The following SLC66A3 variants were observed in gnomAD, a reference collection of about 807,000 sequenced individuals.
The protein encoded by SLC66A3 is PQ loop repeat containing 3.
SLC66A3 carries 23 observed loss-of-function variants against 25.5 expected under a neutral mutation model. That is an observed-to-expected ratio of 0.90 (90% CI 0.65 to 1.28). The LOEUF is 1.28. SLC66A3 is among the 50% of genes most tolerant of loss of function. The pLI, the probability that SLC66A3 is intolerant of heterozygous loss-of-function variation, is 0.00. For missense variants in SLC66A3, 246 were observed against 262.1 expected, an observed-to-expected ratio of 0.94 and a Z score of 0.42; for synonymous variants, 108 against 112.6, an observed-to-expected ratio of 0.96 and a Z score of 0.26.
intron 6 of SLC66A3, among the ~76,000 whole-genome samples, chr2:11,175,387 T>C (rs951883774): frequency 3.3e-5 from 5 of 152,188 alleles, no homozygotes; most frequent in African/African-American, 1.2e-4. Flanking sequence ...GCAGATTAAT[T>C]TGAAGAAGAG....
At chr2:11,172,678 C>A in intron 5 of SLC66A3, 2 of 380,414 alleles carry the variant, frequency 5.3e-6, no homozygotes, top group Non-Finnish European at 1.1e-5. Context: ...GGTTGCTGGT[C>A]TTTATATTCA....
intron 4 of SLC66A3, among the ~76,000 whole-genome samples, chr2:11,171,020 AT>A (rs923671498): frequency 7.9e-5 from 12 of 152,170 alleles, no homozygotes; most frequent in Non-Finnish European, 1.5e-5. Context: ...TCTGTGAGTT[AT>A]AAATAAATGT....
rs575347264 is a variant in SLC66A3, at chr2:11,159,436, T to G, written c.144-1030T>G. 5.9e-5 allele frequency among the ~76,000 whole-genome samples: 9 copies of G among 152,142 alleles called. No homozygotes were observed. The East Asian group carries it at 1.7e-3, about 29-fold the overall frequency. On this transcript the variant is annotated intron_variant, in intron 1 of 6. Transcript: ENST00000295083. ...GGGGTGGGGACCCTGCTGGGCACGG[T>G]GGGGGCCCGCACTCGGGGACCAGGC...
At chr2:11,161,845 A>G (rs1282917323) in intron 3 of SLC66A3, among the ~76,000 whole-genome samples, 1 of 152,202 alleles carries the variant, frequency 6.6e-6, no homozygotes, top group Non-Finnish European at 1.5e-5. Flanking sequence ...GAATGGCACT[A>G]GCTGTCAGCC....
At chr2:11,160,276 G>A in intron 1 of SLC66A3, 190 bp from the exon 2 acceptor site, 1 of 628,338 alleles carries the variant, frequency 1.6e-6, no homozygotes, top group East Asian at 2.7e-5. Context: ...AGTTCTGGAT[G>A]CTCCAAAAAT....
chr2:11,164,159 G>A (rs748384436), intron 3 of SLC66A3, 45 bp from the exon 4 acceptor site: 24 of 1,208,776 alleles, frequency 2.0e-5, no homozygotes, highest in Non-Finnish European at 2.5e-5. Context: ...GGAGGGTGGC[G>A]CGGATGTGGG....
chr2:11,171,995 C>T lies in SLC66A3; in HGVS notation c.425C>T (p.Ser142Leu). 6.2e-7 allele frequency: 1 copy of T among 1,614,106 alleles called. No individual in the cohort carries two copies. The highest frequency in any genetic ancestry group is 1.3e-5 in the African/African-American group (1 of 75,030). The change falls in exon 5 of 7, where the codon TCA becomes TTA. Residue 142 changes from serine (S) to leucine (L), a missense_variant. Ser to Leu is a moderately radical substitution (Grantham distance 145, BLOSUM62 -2). This residue lies in a region of SLC66A3 where 93 missense variants were observed against 102.6 expected (regional missense o/e 0.91). Coordinates refer to ENST00000295083, the MANE Select transcript of SLC66A3 (RefSeq NM_152391.5). Reference sequence around the variant, plus strand: ...CAGTGTCTGTGGAAGACGAGAGACTCAGGAACTGTGAGTGCGCTGACTTGG... The same window carrying T: ...CAGTGTCTGTGGAAGACGAGAGACTTAGGAACTGTGAGTGCGCTGACTTGG... The part of the protein sequence containing the change: ...QLQCLWKTRD[S>L]GTVSALTWSL...
At chr2:11,176,749 C>T (rs1462008902) in intron 6 of SLC66A3, among the ~76,000 whole-genome samples, 1 of 144,922 alleles carries the variant, frequency 6.9e-6, no homozygotes, top group Non-Finnish European at 1.5e-5. Context: ...GGGATGGTCT[C>T]GATCTCCTGA....
intron 4 of SLC66A3, among the ~76,000 whole-genome samples, chr2:11,168,002 C>T (rs1262627724): frequency 2.6e-5 from 4 of 152,100 alleles, no homozygotes; most frequent in African/African-American, 4.8e-5. Flanking sequence ...TCTGCAAGGC[C>T]GGGTGCGGTG....
intron 6 of SLC66A3, among the ~76,000 whole-genome samples, chr2:11,175,421 T>G (rs1662702855): frequency 6.6e-6 from 1 of 152,176 alleles, no homozygotes; most frequent in Non-Finnish European, 1.5e-5. Flanking sequence ...GAGTAGAGGT[T>G]TAGCCAGAGG....
At chr2:11,165,229 T>C (rs1558253665) in intron 4 of SLC66A3, among the ~76,000 whole-genome samples, 2 of 147,956 alleles carry the variant, frequency 1.4e-5, no homozygotes, top group South Asian at 2.2e-4. Context: ...CCAGACGGGC[T>C]GGCTGCCGGG....
chr2:11,161,897 C>T (rs920992200), intron 3 of SLC66A3, among the ~76,000 whole-genome samples: 9 of 152,222 alleles, frequency 5.9e-5, no homozygotes, highest in African/African-American at 1.9e-4. Context: ...TGTTTCTTCC[C>T]ATGCCCTCTT....
intron 1 of SLC66A3, among the ~76,000 whole-genome samples, chr2:11,159,269 A>G (rs1344440773): frequency 3.3e-5 from 5 of 152,062 alleles, no homozygotes; most frequent in Non-Finnish European, 5.9e-5. Flanking sequence ...CCTGGGCTCA[A>G]TCTCCCAGGG....
At chr2:11,165,133 C>T (rs555083492) in intron 4 of SLC66A3, among the ~76,000 whole-genome samples, 167 of 151,654 alleles carry the variant, frequency 1.1e-3, no homozygotes, top group African/African-American at 3.7e-3. Flanking sequence ...CCCCACCTCC[C>T]GGACGGGGCG....
chr2:11,156,011 C>T (rs1027980329), intron 1 of SLC66A3, among the ~76,000 whole-genome samples: 3 of 152,206 alleles, frequency 2.0e-5, no homozygotes, highest in Admixed American at 6.5e-5. Flanking sequence ...CTGAGCAAGG[C>T]CATTTGCACC....
chr2:11,177,825 A>G lies in SLC66A3; in HGVS notation c.606A>G (p.Glu202=). 1 of 1,574,234 alleles carries G rather than the reference A, an allele frequency of 6.4e-7. No individual in the cohort carries two copies. The highest frequency in any genetic ancestry group is 8.7e-7 in the Non-Finnish European group (1 of 1,144,528). Residue 202 remains glutamate (E), a synonymous_variant, in exon 7 of 7, where the codon GAA becomes GAG. Transcript: ENST00000295083. ...ACCGGAAGACCGCTATAAAGGCTGA[A>G]TGATGGATACATTATTCCTTCACAC... ...LRYRKTAIKA[E]
intron 4 of SLC66A3, among the ~76,000 whole-genome samples, chr2:11,164,802 C>T (rs1266058081): frequency 4.6e-5 from 7 of 152,036 alleles, no homozygotes; most frequent in Non-Finnish European, 5.9e-5. Context: ...GCCCTTAATC[C>T]ATTTAACCCT....
At chr2:11,158,522 C>T (rs545532990) in intron 1 of SLC66A3, among the ~76,000 whole-genome samples, 6 of 152,342 alleles carry the variant, frequency 3.9e-5, no homozygotes, top group South Asian at 2.1e-4. Flanking sequence ...ATTAGCTGGG[C>T]GTGGTGGCTG....
In SLC66A3 at chr2:11,155,791, C is replaced by T. The variant is rs115909672; in HGVS notation, c.143+102C>T. ...CTCGAAGTAGGGCGGGGATGATCCC[C>T]GCGCGCCGGCGTCGCAGCTGGGCGG... On this transcript the variant is annotated intron_variant, in intron 1 of 6. Coordinates refer to ENST00000295083, the MANE Select transcript of SLC66A3 (RefSeq NM_152391.5). 4.7e-3 allele frequency: 5,389 copies of T among 1,141,282 alleles called. 227 individuals are homozygous for T. In the African/African-American group the frequency reaches 0.079, roughly 17 times the overall value. 70.7% of individuals were successfully genotyped at this position (1,141,282 alleles called of 1,614,324 possible). A position where few individuals can be genotyped will look rare whatever the true frequency, so the allele number is the denominator to read the frequency against.
Sources: gnomAD v4.1 joint callset for allele counts (sites outside exome capture counted in the v4.1 genomes callset) on GRCh38, gnomAD v4.1.1 for gene constraint, gnomAD v4.1.1 regional missense constraint, MANE v1.5 for transcripts, NCBI Gene and HGNC (gene_info 2026-07-23, HGNC 2026-07-21) for gene names.